OR2T11: variants seen among roughly 807,000 people sequenced by gnomAD.
OR2T11 encodes the protein olfactory receptor 2T11.
A neutral mutation model predicts 13.5 loss-of-function variants in OR2T11; 14 were observed. That is an observed-to-expected ratio of 1.04 (90% confidence interval 0.69 to 1.62). The LOEUF (loss-of-function observed/expected upper bound fraction) is 1.62, where lower values mean the gene tolerates loss of function less well. Among genes scored for constraint, OR2T11 ranks in the 40% most tolerant of loss-of-function variants. OR2T11 has a pLI of 0.00. For synonymous variants in OR2T11, 163 were observed against 154.6 expected (o/e 1.05, Z -0.40); for missense variants, 410 against 389.7 (o/e 1.05, Z -0.44).
intron 1 of OR2T11, among the ~76,000 whole-genome samples, chr1:248,629,376 G>A (rs1199238262): frequency 7.3e-6 from 1 of 137,704 alleles, no homozygotes; most frequent in Non-Finnish European, 1.6e-5. Context: ...CTGGGTGACA[G>A]AGCAAGACCC....
In OR2T11 at chr1:248,625,831, G is replaced by A. The variant is rs1259583098; in HGVS notation, c.*347C>T. The A allele has an allele frequency of 1.2e-5, 2 of 168,868 alleles. No individual in the cohort carries two copies. Among genetic ancestry groups the A allele is most frequent in the Non-Finnish European group, 1.2e-5 (1 of 82,090 alleles). The allele number at this position is 168,868 out of a possible 1,614,324, so 10.5% of individuals were successfully genotyped here. A position where few individuals can be genotyped will look rare whatever the true frequency, so the allele number is the denominator to read the frequency against. ...CTGTAAACATTTGATAGCTTTTGCA[G>A]GTTTCTTTCATTGTGTTGTTTAAAC... On this transcript the variant is annotated 3_prime_UTR_variant, in exon 2 of 2. Transcript: ENST00000641193.
chr1:248,624,671 ATGTTC>A lies in OR2T11; in HGVS notation c.*1502_*1506del. ...ACTCTGATTATTAAATGTATGCTTT[ATGTTC>A]AGAACTCTAATCTGAAGTACAATTG... On this transcript the variant is annotated 3_prime_UTR_variant, in exon 2 of 2. Transcript: ENST00000641193. The A allele has an allele frequency of 6.9e-6, 1 of 144,186 alleles. No individual in the cohort carries two copies. The highest frequency in any genetic ancestry group is 6.8e-5 in the Admixed American group (1 of 14,780). 8.9% of individuals were successfully genotyped at this position (144,186 alleles called of 1,614,324 possible).
In OR2T11 at chr1:248,624,347, C is replaced by T. The variant is rs537606472; in HGVS notation, c.*1831G>A. On this transcript the variant is annotated 3_prime_UTR_variant, in exon 2 of 2. Transcript: ENST00000641193. ...CATACTCAACTTACCTTATCCACTTCCTCCCCCTTGATTTTACCCTGAATC... is the reference window on the plus strand; with the variant it reads ...CATACTCAACTTACCTTATCCACTTTCTCCCCCTTGATTTTACCCTGAATC... 1 of 143,020 alleles carries T rather than the reference C, an allele frequency of 7.0e-6. No homozygotes were observed. The highest frequency in any genetic ancestry group is 1.5e-5 in the Non-Finnish European group (1 of 66,192). The allele number at this position is 143,020 out of a possible 1,614,324, so 8.9% of individuals were successfully genotyped here. A position where few individuals can be genotyped will look rare whatever the true frequency, so the allele number is the denominator to read the frequency against.
rs1282394287 is a variant in OR2T11, at chr1:248,634,687, C to CT, written c.-145+350_-145+351insA. On this transcript the variant is annotated intron_variant, in intron 1 of 1. Coordinates refer to ENST00000641193, the MANE Select transcript of OR2T11 (RefSeq NM_001001964.2). ...TTTGTAGAGTCAGGACCTGACGTTTCAGTCATTTTGTTTTCACAGAATTGT... is the reference window on the plus strand; with the variant it reads ...TTTGTAGAGTCAGGACCTGACGTTTCTAGTCATTTTGTTTTCACAGAATTGT... Among the ~76,000 whole-genome samples, 3 of 130,280 alleles carry CT rather than the reference C, an allele frequency of 2.3e-5. No individual in the cohort carries two copies. The East Asian group carries it at 6.7e-4, about 29-fold the overall frequency. The allele number at this position is 130,280 out of a possible 152,430, so 85.5% of individuals were successfully genotyped here.
intron 1 of OR2T11, among the ~76,000 whole-genome samples, chr1:248,634,662 T>C (rs988260223): frequency 7.2e-6 from 1 of 138,868 alleles, no homozygotes; most frequent in Non-Finnish European, 1.5e-5. Flanking sequence ...ATGGAACTTC[T>C]TTGTAGAGTC....
rs1409445280 is a variant in OR2T11, at chr1:248,634,676, A to T, written c.-145+362T>A. ...TATGGAACTTCTTTGTAGAGTCAGG[A>T]CCTGACGTTTCAGTCATTTTGTTTT... On this transcript the variant is annotated intron_variant, in intron 1 of 1. Transcript: ENST00000641193. Among the ~76,000 whole-genome samples the T allele has an allele frequency of 2.2e-5, 3 of 138,162 alleles. No homozygotes were observed. The East Asian group carries it at 6.3e-4, about 29-fold the overall frequency. The allele number at this position is 138,162 out of a possible 152,430, so 90.6% of individuals were successfully genotyped here. A position where few individuals can be genotyped will look rare whatever the true frequency, so the allele number is the denominator to read the frequency against.
rs1660485210 is a variant in OR2T11, at chr1:248,624,439, A to T, written c.*1739T>A. On this transcript the variant is annotated 3_prime_UTR_variant, in exon 2 of 2. Transcript: ENST00000641193. ...CAAGTAACCTTTCATGTTGCTAAATACAGTAACCAAATCTCACTTATTTCA... is the reference window on the plus strand; with the variant it reads ...CAAGTAACCTTTCATGTTGCTAAATTCAGTAACCAAATCTCACTTATTTCA... 2 of 143,446 alleles carry T rather than the reference A, an allele frequency of 1.4e-5. No individual in the cohort carries two copies. The highest frequency in any genetic ancestry group is 3.0e-5 in the Non-Finnish European group (2 of 66,346). The allele number at this position is 143,446 out of a possible 1,614,324, so 8.9% of individuals were successfully genotyped here.
intron 1 of OR2T11, among the ~76,000 whole-genome samples, chr1:248,632,501 T>TG: frequency 7.3e-6 from 1 of 137,738 alleles, no homozygotes; most frequent in East Asian, 2.1e-4. Context: ...AGAGTCTCCC[T>TG]GCTGTGGATT....
chr1:248,627,357 T>C lies in OR2T11; in HGVS notation c.-144-85A>G, dbSNP rs1210177176. The C allele has an allele frequency of 1.4e-5, 7 of 514,706 alleles. 2 individuals are homozygous for C. Among genetic ancestry groups the C allele is most frequent in the Non-Finnish European group, 2.4e-5 (7 of 292,108 alleles). 31.9% of individuals were successfully genotyped at this position (514,706 alleles called of 1,614,324 possible). A position where few individuals can be genotyped will look rare whatever the true frequency, so the allele number is the denominator to read the frequency against. ...CCCTGTCAGAGAACAGCTCCTTCTA[T>C]ATTGCGTCTATGGTTCATCATGCTG... On this transcript the variant is annotated intron_variant, in intron 1 of 1. Transcript: ENST00000641193.
intron 1 of OR2T11, 35 bp from the exon 2 acceptor site, chr1:248,627,307 T>C: frequency 1.8e-6 from 1 of 553,550 alleles, no homozygotes; most frequent in Non-Finnish European, 3.2e-6. Context: ...ATGCACATCA[T>C]GAAGCAAAAA....
At chr1:248,634,716 A>G (rs1359366668) in intron 1 of OR2T11, among the ~76,000 whole-genome samples, 3 of 46,274 alleles carry the variant, frequency 6.5e-5, no homozygotes, top group African/African-American at 1.1e-4. Flanking sequence ...GAATTGTCAG[A>G]ATTCTTAGCA....
At chr1:248,629,394 A>G (rs1660572533) in intron 1 of OR2T11, among the ~76,000 whole-genome samples, 1 of 100,872 alleles carries the variant, frequency 9.9e-6, no homozygotes, top group Non-Finnish European at 2.1e-5. Flanking sequence ...CCCTGTTTCT[A>G]AAAAAGAAAT....
Position 248,629,248 on chromosome 1 carries a change from C to G in OR2T11, c.-144-1976G>C, listed in dbSNP as rs2103102489. Among the ~76,000 whole-genome samples the G allele has an allele frequency of 1.4e-5, 2 of 141,914 alleles. 1 individual carries two copies. Among genetic ancestry groups the G allele is most frequent in the South Asian group, 4.4e-4 (2 of 4,504 alleles). The allele number at this position is 141,914 out of a possible 152,430, so 93.1% of individuals were successfully genotyped here. ...AGAGCTCGTCTTTATAAAAAACTAGCCAGGCGTGGTGGTGCACGTCAGTCG... is the reference window on the plus strand; with the variant it reads ...AGAGCTCGTCTTTATAAAAAACTAGGCAGGCGTGGTGGTGCACGTCAGTCG... On this transcript the variant is annotated intron_variant, in intron 1 of 1. Transcript: ENST00000641193.
rs757856094 is a variant in OR2T11, at chr1:248,624,130, C to A, written c.*2048G>T. 1 of 142,972 alleles carries A rather than the reference C, an allele frequency of 7.0e-6. No homozygotes were observed. The highest frequency in any genetic ancestry group is 2.8e-5 in the African/African-American group (1 of 36,234). 8.9% of individuals were successfully genotyped at this position (142,972 alleles called of 1,614,324 possible). ...CTCCACTTCTAAACTGGTTTCTGTGCTTTCGGCCACTCTCAAAGGCCATCT... is the reference window on the plus strand; with the variant it reads ...CTCCACTTCTAAACTGGTTTCTGTGATTTCGGCCACTCTCAAAGGCCATCT... On this transcript the variant is annotated 3_prime_UTR_variant, in exon 2 of 2. Coordinates refer to ENST00000641193, the MANE Select transcript of OR2T11 (RefSeq NM_001001964.2).
chr1:248,623,888 T>TA lies in OR2T11; in HGVS notation c.*2289dup, dbSNP rs1320516570. The TA allele has an allele frequency of 7.1e-6, 1 of 141,732 alleles. No homozygotes were observed. The highest frequency in any genetic ancestry group is 2.8e-5 in the African/African-American group (1 of 35,968). The allele number at this position is 141,732 out of a possible 1,614,324, so 8.8% of individuals were successfully genotyped here. A position where few individuals can be genotyped will look rare whatever the true frequency, so the allele number is the denominator to read the frequency against. ...GGTTGTCCTACAACCCAGATGTCTC[T>TA]ACTAGCTTATTAACTTACCTCTTCT... is the stretch of plus-strand genomic sequence containing the variant. On this transcript the variant is annotated 3_prime_UTR_variant, in exon 2 of 2. Transcript: ENST00000641193.
chr1:248,627,212 G>A lies in OR2T11; in HGVS notation c.-84C>T, dbSNP rs1271227552. ...AAGAGAACACGGTCAAGATGGGAAA[G>A]GTCTGCAGTAGAGGTGACACTTCTG... is the stretch of plus-strand genomic sequence containing the variant. On this transcript the variant is annotated 5_prime_UTR_variant, in exon 2 of 2. Transcript: ENST00000641193. 21 of 795,296 alleles carry A rather than the reference G, an allele frequency of 2.6e-5. No homozygotes were observed. The highest frequency in any genetic ancestry group is 4.0e-5 in the Non-Finnish European group (20 of 494,430). 49.3% of individuals were successfully genotyped at this position (795,296 alleles called of 1,614,324 possible). A position where few individuals can be genotyped will look rare whatever the true frequency, so the allele number is the denominator to read the frequency against.
Position 248,626,530 on chromosome 1 carries a change from C to T in OR2T11, c.599G>A (p.Cys200Tyr), listed in dbSNP as rs752717281. ...GATGGGGATGAGCAACATGAGGACA[C>T]AGCAGATGTACATCAGAGTTTCATA... ...SLYETLMYIC[C>Y]VLMLLIPISI... is the part of the protein sequence containing the mutation. The change falls in exon 2 of 2, where the codon TGT becomes TAT. Residue 200 changes from cysteine to tyrosine, a missense_variant. Transcript: ENST00000641193. The T allele has an allele frequency of 6.4e-7, 1 of 1,568,104 alleles. No individual in the cohort carries two copies. The highest frequency in any genetic ancestry group is 8.7e-7 in the Non-Finnish European group (1 of 1,152,156).
chr1:248,627,392 A>C (rs1341523906), intron 1 of OR2T11, 120 bp from the exon 2 acceptor site: 16 of 457,780 alleles, frequency 3.5e-5, no homozygotes, highest in Non-Finnish European at 5.4e-5. Flanking sequence ...GCTGGAGGTT[A>C]TGGTAACTGC....
rs973930231 is a variant in OR2T11 at position 248,624,077 on chromosome 1, T to TG, written c.*2100dup. The TG allele has an allele frequency of 8.4e-5, 12 of 142,282 alleles. No individual in the cohort carries two copies. The East Asian group carries it at 1.2e-3, about 14-fold the overall frequency. The allele number at this position is 142,282 out of a possible 1,614,324, so 8.8% of individuals were successfully genotyped here. ...TGACCTCCTGCTATTGTCACTGAGT[T>TG]GGCCATGCTCTTACAAAAGTTCAAA... is the stretch of plus-strand genomic sequence containing the variant. On this transcript the variant is annotated 3_prime_UTR_variant, in exon 2 of 2. Coordinates refer to ENST00000641193, the MANE Select transcript of OR2T11 (RefSeq NM_001001964.2).
Sources: gnomAD v4.1 joint callset for allele counts (sites outside exome capture counted in the v4.1 genomes callset) on GRCh38, gnomAD v4.1.1 for gene constraint, MANE v1.5 for transcripts, NCBI Gene and HGNC (gene_info 2026-07-23, HGNC 2026-07-21) for gene names.